ANKH: variants seen among roughly 807,000 people sequenced by gnomAD.
The protein encoded by ANKH is mineralization regulator ANKH.
In ANKH, 15 loss-of-function variants were observed where a neutral mutation model predicts 49.0. That is an observed-to-expected ratio of 0.31 (90% CI 0.20 to 0.47). The LOEUF (loss-of-function observed/expected upper bound fraction) is 0.47, where lower values mean the gene tolerates loss of function less well. Among genes scored for constraint, ANKH ranks in the 20% least tolerant of loss-of-function variants. ANKH has a pLI of 1.00. For missense variants in ANKH, 429 were observed against 652.0 expected, an observed-to-expected ratio of 0.66 and a Z score of 3.72; for synonymous variants, 273 against 260.0, an observed-to-expected ratio of 1.05 and a Z score of -0.48.
intron 1 of ANKH, among the ~76,000 whole-genome samples, chr5:14,818,392 C>T (rs993001670): frequency 6.6e-6 from 1 of 151,920 alleles, no homozygotes; most frequent in African/African-American, 2.4e-5. Context: ...GTAATCCCAA[C>T]ACTTTGGGGG....
At chr5:14,857,401 TC>T (rs536259822) in intron 1 of ANKH, among the ~76,000 whole-genome samples, 25 of 152,308 alleles carry the variant, frequency 1.6e-4, no homozygotes, top group African/African-American at 6.0e-4. Context: ...ATGCCTGTAA[TC>T]CCAGCACTCT....
intron 2 of ANKH, chr5:14,768,393 C>A (rs1305994928): frequency 6.5e-6 from 1 of 154,662 alleles, no homozygotes; most frequent in Non-Finnish European, 1.4e-5. Flanking sequence ...CAGCAGAACT[C>A]CAGCCCTGAA....
chr5:14,858,580 G>A (rs1484843267), intron 1 of ANKH, among the ~76,000 whole-genome samples: 2 of 152,060 alleles, frequency 1.3e-5, no homozygotes, highest in Non-Finnish European at 2.9e-5. Flanking sequence ...GCCAGGCATG[G>A]TGGGTAATGC....
chr5:14,784,844 T>A (rs956900742), intron 1 of ANKH, among the ~76,000 whole-genome samples: 1 of 152,208 alleles, frequency 6.6e-6, no homozygotes, highest in Non-Finnish European at 1.5e-5. Flanking sequence ...AATGAGCAAG[T>A]GAGGCCCTAG....
At chr5:14,769,969 C>A (rs1739383397) in intron 1 of ANKH, among the ~76,000 whole-genome samples, 1 of 152,154 alleles carries the variant, frequency 6.6e-6, no homozygotes, top group African/African-American at 2.4e-5. Flanking sequence ...TGGGATGGTA[C>A]TTCCAAACTA....
chr5:14,741,515 G>A, intron 8 of ANKH: 1 of 291,922 alleles, frequency 3.4e-6, no homozygotes, highest in Non-Finnish European at 6.6e-6. Context: ...GTTGACTTTC[G>A]ATGTTTAAAA....
intron 1 of ANKH, among the ~76,000 whole-genome samples, chr5:14,804,855 T>TA (rs1206531539): frequency 2.0e-5 from 3 of 152,224 alleles, no homozygotes; most frequent in African/African-American, 7.2e-5. Context: ...TTTGGGATAT[T>TA]AGAGTAATCA....
chr5:14,739,689 C>A (rs1738294364), intron 8 of ANKH, among the ~76,000 whole-genome samples: 1 of 152,220 alleles, frequency 6.6e-6, no homozygotes, highest in African/African-American at 2.4e-5. Context: ...GAGCACAGGG[C>A]CCTGGAGAGC....
At chr5:14,867,700 C>T (rs1381430484) in intron 1 of ANKH, among the ~76,000 whole-genome samples, 1 of 152,312 alleles carries the variant, frequency 6.6e-6, no homozygotes, top group East Asian at 1.9e-4. Context: ...GCTGGGACTA[C>T]AGGCACCCGC....
intron 1 of ANKH, among the ~76,000 whole-genome samples, chr5:14,857,216 G>A (rs879859149): frequency 6.6e-6 from 1 of 152,164 alleles, no homozygotes; most frequent in Admixed American, 6.5e-5. Flanking sequence ...CAGGAGGTGA[G>A]ATCTTCCCAG....
Position 14,711,069 on chromosome 5 carries a change from A to G in ANKH, c.*128T>C. 1 of 839,194 alleles carries G rather than the reference A, an allele frequency of 1.2e-6. No individual in the cohort carries two copies. The highest frequency in any genetic ancestry group is 2.1e-6 in the Non-Finnish European group (1 of 485,842). The allele number at this position is 839,194 out of a possible 1,614,324, so 52.0% of individuals were successfully genotyped here. A position where few individuals can be genotyped will look rare whatever the true frequency, so the allele number is the denominator to read the frequency against. ...TAGAGAATTGACACGAAACCTTTAA[A>G]TCAAGGCCTCTTTCATTACCAAAAC... On this transcript the variant is annotated 3_prime_UTR_variant, in exon 12 of 12. Transcript: ENST00000284268.
chr5:14,741,742 A>G (rs1310333186), intron 8 of ANKH, 85 bp downstream of exon 8: 2 of 967,014 alleles, frequency 2.1e-6, no homozygotes, highest in South Asian at 1.4e-5. Context: ...ATTGTGGAAA[A>G]TAAGATTTCC....
At chr5:14,740,923 G>A (rs1279672960) in intron 8 of ANKH, among the ~76,000 whole-genome samples, 2 of 152,172 alleles carry the variant, frequency 1.3e-5, no homozygotes, top group African/African-American at 2.4e-5. Flanking sequence ...TTGTATATGC[G>A]AAAGTAAGTT....
intron 4 of ANKH, among the ~76,000 whole-genome samples, chr5:14,753,464 G>A (rs1412073505): frequency 6.6e-6 from 1 of 152,202 alleles, no homozygotes; most frequent in African/African-American, 2.4e-5. Context: ...CAGGAATGCG[G>A]GGGATGTACA....
At chr5:14,864,706 C>A (rs1181394341) in intron 1 of ANKH, among the ~76,000 whole-genome samples, 1 of 152,134 alleles carries the variant, frequency 6.6e-6, no homozygotes, top group Non-Finnish European at 1.5e-5. Context: ...ATTGCAAAAA[C>A]AAACAAACCT....
At chr5:14,764,963 C>T (rs907761627) in intron 2 of ANKH, among the ~76,000 whole-genome samples, 4 of 152,216 alleles carry the variant, frequency 2.6e-5, no homozygotes. Context: ...GTTTCGACAT[C>T]TTCGTGAATT....
At chr5:14,857,084 C>A (rs1167372777) in intron 1 of ANKH, among the ~76,000 whole-genome samples, 1 of 152,196 alleles carries the variant, frequency 6.6e-6, no homozygotes, top group Non-Finnish European at 1.5e-5. Context: ...AATACAGTCC[C>A]TGCCCACCCT....
At chr5:14,716,390 G>A (rs1737460040) in intron 9 of ANKH, among the ~76,000 whole-genome samples, 1 of 152,172 alleles carries the variant, frequency 6.6e-6, no homozygotes, top group Admixed American at 6.5e-5. Context: ...CTACTTGGGA[G>A]GCTGAACAGG....
chr5:14,848,963 T>C (rs1472317084), intron 1 of ANKH, among the ~76,000 whole-genome samples: 2 of 152,230 alleles, frequency 1.3e-5, no homozygotes, highest in African/African-American at 4.8e-5. Flanking sequence ...TTTAGCCTAA[T>C]TGGTATTTTA....
Sources: gnomAD v4.1 joint callset for allele counts (sites outside exome capture counted in the v4.1 genomes callset) on GRCh38, gnomAD v4.1.1 for gene constraint, MANE v1.5 for transcripts, NCBI Gene and HGNC (gene_info 2026-07-23, HGNC 2026-07-21) for gene names.